Variants in PLEKHG3 observed in about 807,000 individuals in gnomAD.
PLEKHG3 encodes pleckstrin homology and RhoGEF domain containing G3.
In PLEKHG3, 62 loss-of-function variants were observed where a neutral mutation model predicts 94.9. That is an observed-to-expected ratio of 0.65 (90% confidence interval 0.53 to 0.81). The LOEUF is 0.81. PLEKHG3 is among the 30% of genes least tolerant of loss of function. The probability of loss-of-function intolerance (pLI) is 0.00; values close to 1 mark genes in which losing one functional copy is unlikely to be tolerated. For missense variants in PLEKHG3, 1,461 were observed against 1,619.3 expected (o/e 0.90, Z 1.68); for synonymous variants, 614 against 654.0 (o/e 0.94, Z 0.93).
chr14:64,727,925 G>C lies in PLEKHG3; in HGVS notation c.294G>C (p.Val98=). ...AGCTCAGCTACCTGGGCCGAGTGGTGCGGGAGATCGTGGAGACAGAGCGCA... is the reference window on the plus strand; with the variant it reads ...AGCTCAGCTACCTGGGCCGAGTGGTCCGGGAGATCGTGGAGACAGAGCGCA... ...HHKLSYLGRV[V]REIVETERMY... Residue 98 remains valine, a synonymous_variant, in exon 2 of 17, where the codon GTG becomes GTC. Transcript: ENST00000247226. This position sits in a 1 kb window ranked among gnomAD's most constrained non-coding sequence, Gnocchi z 6.0. The C allele has an allele frequency of 6.2e-7, 1 of 1,609,240 alleles. No individual in the cohort carries two copies. Among genetic ancestry groups the C allele is most frequent in the Non-Finnish European group, 8.5e-7 (1 of 1,176,488 alleles).
rs1440520985 is a variant in PLEKHG3 at position 64,728,633 on chromosome 14, A to T, written c.352-363A>T. Among the ~76,000 whole-genome samples, 1 of 152,170 alleles carries T rather than the reference A, an allele frequency of 6.6e-6. No individual in the cohort carries two copies. Among genetic ancestry groups the T allele is most frequent in the East Asian group, 1.9e-4 (1 of 5,182 alleles). On this transcript the variant is annotated intron_variant, in intron 2 of 16. Transcript: ENST00000247226. This position sits in a 1 kb window ranked among gnomAD's most constrained non-coding sequence, Gnocchi z 5.9. ...GTCATCCAGCTTCTGGGGTCCTGGC[A>T]GTCTTTGACATTGTTGGCCTGGAGA...
Position 64,743,708 on chromosome 14 carries a change from G to T in PLEKHG3, c.*5G>T. 2 of 1,532,978 alleles carry T rather than the reference G, an allele frequency of 1.3e-6. No homozygotes were observed. The highest frequency in any genetic ancestry group is 2.5e-5 in the South Asian group (2 of 80,502). The allele number at this position is 1,532,978 out of a possible 1,614,324, so 95.0% of individuals were successfully genotyped here. Reference sequence around the variant, plus strand: ...GCCTTGAACTCTGTCGGTTGATGCTGACTCCTGGGGGAGGGAGGAGTCATG... The same window carrying T: ...GCCTTGAACTCTGTCGGTTGATGCTTACTCCTGGGGGAGGGAGGAGTCATG... On this transcript the variant is annotated 3_prime_UTR_variant, in exon 17 of 17. Transcript: ENST00000247226. The surrounding 1 kb of genome is among the most constrained non-coding windows in gnomAD (Gnocchi z 7.2).
intron 1 of PLEKHG3, among the ~76,000 whole-genome samples, chr14:64,712,011 T>C (rs529183321): frequency 6.7e-4 from 102 of 152,336 alleles, no homozygotes; most frequent in Middle Eastern, 3.4e-3. Flanking sequence ...GACTTTTTTG[T>C]ATATGGTTTG....
chr14:64,730,500 C>A lies in PLEKHG3; in HGVS notation c.520-142C>A. 2.6e-6 allele frequency: 2 copies of A among 764,558 alleles called. No homozygotes were observed. The highest frequency in any genetic ancestry group is 4.4e-6 in the Non-Finnish European group (2 of 451,220). The allele number at this position is 764,558 out of a possible 1,614,324, so 47.4% of individuals were successfully genotyped here. A position where few individuals can be genotyped will look rare whatever the true frequency, so the allele number is the denominator to read the frequency against. On this transcript the variant is annotated intron_variant, in intron 4 of 16. Coordinates refer to ENST00000247226, the MANE Select transcript of PLEKHG3 (RefSeq NM_001308147.2). The surrounding 1 kb of genome is among the most constrained non-coding windows in gnomAD (Gnocchi z 5.4). ...TGCTGGGTGGATGGGATGTCCTTGA[C>A]AAATAGGTATAAAGATGGCTCTGTA...
intron 1 of PLEKHG3, among the ~76,000 whole-genome samples, chr14:64,711,715 A>C (rs2081069052): frequency 6.6e-6 from 1 of 152,186 alleles, no homozygotes; most frequent in South Asian, 2.1e-4. Context: ...CCCGGCCAAG[A>C]GTTCTTTATA....
At position 64,738,797 on chromosome 14, in the gene PLEKHG3, G is replaced by C. The variant is rs752142871; in HGVS notation, c.1460G>C (p.Arg487Pro). 6.2e-7 allele frequency: 1 copy of C among 1,600,820 alleles called. No homozygotes were observed. Among genetic ancestry groups the C allele is most frequent in the East Asian group, 2.3e-5 (1 of 44,328 alleles). ...SSRSSRRPSG[R>P]SPTSTEKRMS... is the part of the protein sequence containing the mutation. ...AGGAGCAGCAGAAGGCCCAGTGGCC[G>C]GTCTCCAACCAGTACTGAGAAGCGC... is the stretch of plus-strand genomic sequence containing the variant. Residue 487 changes from arginine (R) to proline (P), a missense_variant, in exon 15 of 17, where the codon CGG (arginine) becomes CCG (proline). By Grantham distance (103) the Arg-to-Pro change is moderately radical. Around this residue, in one of 3 missense-constraint regions of PLEKHG3, gnomAD observed 1,201 missense variants for 1,295.5 expected, o/e 0.93. Coordinates refer to ENST00000247226, the MANE Select transcript of PLEKHG3 (RefSeq NM_001308147.2). This position sits in a 1 kb window ranked among gnomAD's most constrained non-coding sequence, Gnocchi z 4.8.
At chr14:64,724,325 C>T (rs1183930523) in intron 1 of PLEKHG3, among the ~76,000 whole-genome samples, 5 of 152,096 alleles carry the variant, frequency 3.3e-5, no homozygotes, top group African/African-American at 7.2e-5. Context: ...CTGCTTTGTA[C>T]TCAGTGCCTC....
At chr14:64,733,503 C>G (rs1158699407) in intron 12 of PLEKHG3, among the ~76,000 whole-genome samples, 1 of 152,146 alleles carries the variant, frequency 6.6e-6, no homozygotes, top group East Asian at 1.9e-4. Context: ...AATACTTGCT[C>G]GCTCCGGCCT....
chr14:64,714,774 G>C (rs2139363622), intron 1 of PLEKHG3, among the ~76,000 whole-genome samples: 1 of 152,288 alleles, frequency 6.6e-6, no homozygotes, highest in South Asian at 2.1e-4. Context: ...GCTCCCACTG[G>C]GGATGCCTTT....
In PLEKHG3 at chr14:64,743,121, C is replaced by T. The variant is rs746947330; in HGVS notation, c.3078C>T (p.Thr1026=). ...ACCCGTCTGCTGTCAGCCAGAGGAC[C>T]ACCTCGCCTGGGGGCCGGCCCTCCG... The part of the protein sequence containing the change: ...FFNPSAVSQR[T]TSPGGRPSAR... The change falls in exon 17 of 17, where the codon ACC becomes ACT. Residue 1026 remains threonine, a synonymous_variant. Coordinates refer to ENST00000247226, the MANE Select transcript of PLEKHG3 (RefSeq NM_001308147.2). The surrounding 1 kb of genome is among the most constrained non-coding windows in gnomAD (Gnocchi z 7.2). The T allele has an allele frequency of 1.9e-6, 3 of 1,612,418 alleles. No homozygotes were observed. Among genetic ancestry groups the T allele is most frequent in the Non-Finnish European group, 2.5e-6 (3 of 1,179,982 alleles).
rs147172750 is a variant in PLEKHG3 at position 64,729,805 on chromosome 14, G to A, written c.450-438G>A. 2.7e-3 allele frequency among the ~76,000 whole-genome samples: 411 copies of A among 152,324 alleles called. 1 individual carries two copies. The highest frequency in any genetic ancestry group is 9.4e-3 in the African/African-American group (389 of 41,564). On this transcript the variant is annotated intron_variant, in intron 3 of 16. Coordinates refer to ENST00000247226, the MANE Select transcript of PLEKHG3 (RefSeq NM_001308147.2). ...GGAAAAGAGGAGGAGCACAGAGGGA[G>A]GAGGCAGGGAGCAGTGTTTCTAGGG...
rs2081290877 is a variant in PLEKHG3, at chr14:64,723,066, G to A, written c.-39-4527G>A. On this transcript the variant is annotated intron_variant, in intron 1 of 16. Transcript: ENST00000247226. The surrounding 1 kb of genome is among the most constrained non-coding windows in gnomAD (Gnocchi z 4.5). Reference sequence around the variant, plus strand: ...GGGAAGGATGTGGCCCCAGTCTGCTGTGCTCGGAATCCAGGGGCCTGCTGT... The same window carrying A: ...GGGAAGGATGTGGCCCCAGTCTGCTATGCTCGGAATCCAGGGGCCTGCTGT... Among the ~76,000 whole-genome samples the A allele has an allele frequency of 1.3e-5, 2 of 152,204 alleles. No homozygotes were observed. The highest frequency in any genetic ancestry group is 1.3e-4 in the Admixed American group (2 of 15,284).
At position 64,716,550 on chromosome 14, in the gene PLEKHG3, C is replaced by CACACACAA. The variant is rs1415191711; in HGVS notation, c.-39-11042_-39-11041insCACACAAA. ...ACACACACACACACACACACACACA[C>CACACACAA]AAAGCAGAGTTAATCTCCCACTTCT... On this transcript the variant is annotated intron_variant, in intron 1 of 16. Coordinates refer to ENST00000247226, the MANE Select transcript of PLEKHG3 (RefSeq NM_001308147.2). The surrounding 1 kb of genome is among the most constrained non-coding windows in gnomAD (Gnocchi z 5.0). 6.3e-5 allele frequency among the ~76,000 whole-genome samples: 9 copies of CACACACAA among 142,834 alleles called. No homozygotes were observed. The South Asian group carries it at 2.0e-3, about 32-fold the overall frequency. 93.7% of individuals were successfully genotyped at this position (142,834 alleles called of 152,430 possible).
In PLEKHG3 at chr14:64,743,156, C is replaced by T. The variant is rs751747659; in HGVS notation, c.3113C>T (p.Pro1038Leu). 4.9e-5 allele frequency: 79 copies of T among 1,610,934 alleles called. No homozygotes were observed. Among genetic ancestry groups the T allele is most frequent in the Admixed American group, 6.7e-5 (4 of 59,984 alleles). ...SPGGRPSARS[P>L]LSPTETFSWP... is the part of the protein sequence containing the mutation. ...GGGGGCCGGCCCTCCGCCCGGAGCC[C>T]CCTCAGCCCCACAGAGACCTTCAGC... The change falls in exon 17 of 17, where the codon CCC becomes CTC. Residue 1038 changes from proline to leucine, a missense_variant. Pro to Leu is a moderately conservative substitution (Grantham distance 98). Coordinates refer to ENST00000247226, the MANE Select transcript of PLEKHG3 (RefSeq NM_001308147.2). The surrounding 1 kb of genome is among the most constrained non-coding windows in gnomAD (Gnocchi z 7.2).
chr14:64,727,513 C>T lies in PLEKHG3; in HGVS notation c.-39-80C>T. 3.7e-6 allele frequency: 2 copies of T among 538,566 alleles called. No individual in the cohort carries two copies. The highest frequency in any genetic ancestry group is 4.0e-5 in the South Asian group (2 of 49,606). The allele number at this position is 538,566 out of a possible 1,614,324, so 33.4% of individuals were successfully genotyped here. The stretch of plus-strand genomic sequence containing the variant: ...ATAATACCTTCCCACCCCACCTGCC[C>T]CCACCCCTGGCAACCGTCCCTCTGT... On this transcript the variant is annotated intron_variant, in intron 1 of 16. Transcript: ENST00000247226. The surrounding 1 kb of genome is among the most constrained non-coding windows in gnomAD (Gnocchi z 6.0).
chr14:64,738,099 G>C lies in PLEKHG3; in HGVS notation c.1405-643G>C, dbSNP rs909679639. 2 of 1,304,968 alleles carry C rather than the reference G, an allele frequency of 1.5e-6. No homozygotes were observed. The highest frequency in any genetic ancestry group is 2.0e-6 in the Non-Finnish European group (2 of 997,550). The allele number at this position is 1,304,968 out of a possible 1,614,324, so 80.8% of individuals were successfully genotyped here. ...GGAGCCCCCAGGCTCAGAGGAGGAG[G>C]AGGAGGAGCAGGAGGAGAGCCTGGC... On this transcript the variant is annotated intron_variant, in intron 14 of 16. Coordinates refer to ENST00000247226, the MANE Select transcript of PLEKHG3 (RefSeq NM_001308147.2). This position sits in a 1 kb window ranked among gnomAD's most constrained non-coding sequence, Gnocchi z 4.8.
chr14:64,725,146 A>G lies in PLEKHG3; in HGVS notation c.-39-2447A>G, dbSNP rs1201246964. Among the ~76,000 whole-genome samples the G allele has an allele frequency of 1.3e-5, 2 of 152,094 alleles. No homozygotes were observed. The highest frequency in any genetic ancestry group is 3.9e-4 in the East Asian group (2 of 5,182). Reference sequence around the variant, plus strand: ...CTTACAGTGGGATCCCCAGAGAGGGACCCTCAAAAGGTCCCTTTTAGAGAC... The same window carrying G: ...CTTACAGTGGGATCCCCAGAGAGGGGCCCTCAAAAGGTCCCTTTTAGAGAC... On this transcript the variant is annotated intron_variant, in intron 1 of 16. Transcript: ENST00000247226. The surrounding 1 kb of genome is among the most constrained non-coding windows in gnomAD (Gnocchi z 5.0).
Position 64,730,724 on chromosome 14 carries a change from T to C in PLEKHG3, c.566+36T>C, listed in dbSNP as rs57913362. 14,138 of 1,612,608 alleles carry C rather than the reference T, an allele frequency of 8.8e-3. 1,048 individuals are homozygous for C. In the African/African-American group the frequency reaches 0.16, roughly 18 times the overall value. Reference sequence around the variant, plus strand: ...GGGGTGAGAGGGAAGGCAGAGCCATTTGGTGAGTCCAGAGCCCCCCACTTC... The same window carrying C: ...GGGGTGAGAGGGAAGGCAGAGCCATCTGGTGAGTCCAGAGCCCCCCACTTC... On this transcript the variant is annotated intron_variant, in intron 5 of 16. Transcript: ENST00000247226. The surrounding 1 kb of genome is among the most constrained non-coding windows in gnomAD (Gnocchi z 5.4).
intron 13 of PLEKHG3, 23 bp downstream of exon 13, chr14:64,736,914 C>T (rs781255829): frequency 1.9e-6 from 3 of 1,599,794 alleles, no homozygotes; most frequent in Admixed American, 1.7e-5. Context: ...GGTGGCCAGC[C>T]ATTCCCAGTG....
Sources: gnomAD v4.1 joint callset for allele counts (sites outside exome capture counted in the v4.1 genomes callset) on GRCh38, gnomAD v4.1.1 for gene constraint, gnomAD v4.1.1 regional missense constraint, Gnocchi (gnomAD v3.1) non-coding constraint, MANE v1.5 for transcripts, NCBI Gene and HGNC (gene_info 2026-07-23, HGNC 2026-07-21) for gene names.